The following PDHX variants were observed in gnomAD, a reference collection of about 807,000 sequenced individuals.
PDHX encodes pyruvate dehydrogenase protein X component, mitochondrial.
PDHX carries 33 observed loss-of-function variants against 55.3 expected under a neutral mutation model. The ratio of observed to expected loss-of-function variants is 0.60; its 90% CI spans 0.45 to 0.80. The LOEUF is 0.80. Among genes scored for constraint, PDHX ranks in the 30% least tolerant of loss-of-function variants. PDHX has a pLI of 0.00. For synonymous variants in PDHX, 226 were observed against 219.4 expected (o/e 1.03, Z -0.27); for missense variants, 622 against 619.9 (o/e 1.00, Z -0.04).
chr11:34,972,477 AACC>A (rs1206216061), intron 7 of PDHX, among the ~76,000 whole-genome samples: 1 of 150,884 alleles, frequency 6.6e-6, no homozygotes, highest in Non-Finnish European at 1.5e-5. Context: ...GGTTCACTTC[AACC>A]ACCGCCTCCT....
At chr11:34,980,136 T>TA (rs1855475732) in intron 8 of PDHX, among the ~76,000 whole-genome samples, 1 of 99,956 alleles carries the variant, frequency 1.0e-5, no homozygotes, top group African/African-American at 3.2e-5. Context: ...TTCCCAAACT[T>TA]ACTAGCCTAG....
chr11:34,943,179 T>G (rs1427137400), intron 2 of PDHX, among the ~76,000 whole-genome samples: 1 of 152,190 alleles, frequency 6.6e-6, no homozygotes, highest in Non-Finnish European at 1.5e-5. Context: ...AAGAAGCTCA[T>G]AGTCTAGTAA....
chr11:34,960,319 A>G (rs987733653), intron 4 of PDHX, 101 bp from the exon 5 acceptor site: 3 of 766,870 alleles, frequency 3.9e-6, no homozygotes, highest in Non-Finnish European at 4.5e-6. Context: ...CTTTATTATA[A>G]GATTTTTTTT....
At chr11:34,931,536 G>GTTTT (rs368865759) in intron 2 of PDHX, 52 bp downstream of exon 2, 83 of 876,960 alleles carry the variant, frequency 9.5e-5, no homozygotes, top group African/African-American at 1.8e-4. Flanking sequence ...TGGTTATTTT[G>GTTTT]TTTTGTTTTT....
At chr11:34,964,773 ATATTAGCATAACTAATATTAGC>A (rs34896834) in intron 5 of PDHX, among the ~76,000 whole-genome samples, 85,372 of 146,006 alleles carry the variant, frequency 0.58, 25,980 homozygotes, top group East Asian at 0.75. Context: ...TAAATATGTA[ATATTAGCATAACTAATATTAGC>A]TATTAGCATA....
chr11:34,970,454 G>A (rs549333641), intron 7 of PDHX, among the ~76,000 whole-genome samples, 168 bp downstream of exon 7: 2 of 152,240 alleles, frequency 1.3e-5, no homozygotes, highest in East Asian at 3.9e-4. Flanking sequence ...AAAAAAATTA[G>A]CAATGGTTTC....
intron 2 of PDHX, among the ~76,000 whole-genome samples, chr11:34,946,381 C>A (rs1308983045): frequency 6.6e-6 from 1 of 152,004 alleles, no homozygotes; most frequent in Non-Finnish European, 1.5e-5. Context: ...TGACAGATTG[C>A]ACTAAATAAA....
intron 9 of PDHX, among the ~76,000 whole-genome samples, chr11:34,988,503 T>C (rs918827627): frequency 2.6e-5 from 4 of 151,288 alleles, no homozygotes; most frequent in Middle Eastern, 3.2e-3. Context: ...ACATAACTAC[T>C]GTATGACTAT....
chr11:34,955,099 G>A (rs962051232), intron 3 of PDHX, among the ~76,000 whole-genome samples: 1 of 152,130 alleles, frequency 6.6e-6, no homozygotes, highest in African/African-American at 2.4e-5. Flanking sequence ...GAGGGCTTTG[G>A]TCAAGTAAGC....
intron 9 of PDHX, among the ~76,000 whole-genome samples, chr11:34,986,299 CTG>C (rs1458951035): frequency 2.3e-4 from 26 of 115,122 alleles, no homozygotes; most frequent in African/African-American, 8.1e-4. Flanking sequence ...GAGCAAGACA[CTG>C]TATCTCAAAA....
chr11:34,945,996 A>G (rs1474547785), intron 2 of PDHX, among the ~76,000 whole-genome samples: 3 of 152,216 alleles, frequency 2.0e-5, no homozygotes, highest in Non-Finnish European at 2.9e-5. Context: ...CAGTGCCTCC[A>G]GTGTCTTCCC....
intron 2 of PDHX, among the ~76,000 whole-genome samples, chr11:34,938,321 A>T (rs139449779): frequency 6.6e-6 from 1 of 152,230 alleles, no homozygotes; most frequent in African/African-American, 2.4e-5. Context: ...AAAGAAAAAC[A>T]TGGCAGAGAA....
chr11:34,934,628 A>G (rs1042162130), intron 2 of PDHX, among the ~76,000 whole-genome samples: 4 of 119,638 alleles, frequency 3.3e-5, no homozygotes, highest in African/African-American at 1.3e-4. Context: ...CCCAGCCTGG[A>G]GTATAATGGC....
chr11:34,992,247 A>G, intron 9 of PDHX, 68 bp from the exon 10 acceptor site: 1 of 883,464 alleles, frequency 1.1e-6, no homozygotes, highest in Admixed American at 1.8e-5. Context: ...ATGTACAAAT[A>G]TTTCAAGTGA....
At chr11:34,923,200 G>C (rs1205203587) in intron 1 of PDHX, among the ~76,000 whole-genome samples, 1 of 7,318 alleles carries the variant, frequency 1.4e-4, no homozygotes, top group African/African-American at 4.9e-4. Flanking sequence ...TGGGGTATAT[G>C]GGTGATTCAT....
At chr11:34,950,940 G>A (rs954359101) in intron 3 of PDHX, among the ~76,000 whole-genome samples, 1 of 150,280 alleles carries the variant, frequency 6.7e-6, no homozygotes, top group Non-Finnish European at 1.5e-5. Context: ...AGATCCCTGA[G>A]GAATCGCCAC....
At chr11:34,929,381 C>T (rs1195187081) in intron 1 of PDHX, among the ~76,000 whole-genome samples, 1 of 152,122 alleles carries the variant, frequency 6.6e-6, no homozygotes. Flanking sequence ...CAGGCGTGTG[C>T]CATCACGCCT....
chr11:34,991,156 T>C (rs910074141), intron 9 of PDHX, among the ~76,000 whole-genome samples: 4 of 152,212 alleles, frequency 2.6e-5, no homozygotes, highest in African/African-American at 9.6e-5. Flanking sequence ...TTCTGTAAGA[T>C]TTTTAGAAAT....
chr11:34,928,466 CTTT>C (rs1206099542), intron 1 of PDHX, among the ~76,000 whole-genome samples: 1 of 139,998 alleles, frequency 7.1e-6, no homozygotes, highest in African/African-American at 2.6e-5. Flanking sequence ...CACCCCCCTC[CTTT>C]TTTTTTTTTT....
Sources: allele counts gnomAD v4.1 joint callset (sites outside exome capture counted in the v4.1 genomes callset), GRCh38; gene constraint gnomAD v4.1.1; transcripts MANE v1.5; gene names NCBI Gene and HGNC (gene_info 2026-07-23, HGNC 2026-07-21).